The following DCLK1 variants were observed in gnomAD, a reference collection of about 807,000 sequenced individuals.
DCLK1 encodes serine/threonine-protein kinase DCLK1.
DCLK1 carries 16 observed loss-of-function variants against 86.2 expected under a neutral mutation model. That is an observed-to-expected ratio of 0.19 (90% confidence interval 0.13 to 0.28). The LOEUF is 0.28. Ranked by LOEUF, DCLK1 falls within the 10% of genes least tolerant of loss-of-function variation. The pLI, the probability that DCLK1 is intolerant of heterozygous loss-of-function variation, is 1.00. For missense variants in DCLK1, 590 were observed against 940.2 expected, an observed-to-expected ratio of 0.63 and a Z score of 4.87; for synonymous variants, 369 against 370.5, an observed-to-expected ratio of 1.00 and a Z score of 0.05.
chr13:35,874,179 A>G (rs1872463686), intron 4 of DCLK1, among the ~76,000 whole-genome samples: 1 of 152,156 alleles, frequency 6.6e-6, no homozygotes, highest in Admixed American at 6.5e-5. Context: ...CTATCCACGC[A>G]ATTTCTAATT....
intron 10 of DCLK1, among the ~76,000 whole-genome samples, chr13:35,826,754 A>G (rs1029563372): frequency 2.0e-5 from 3 of 152,162 alleles, no homozygotes; most frequent in Non-Finnish European, 4.4e-5. Flanking sequence ...TGAATTTTTA[A>G]AAGAGAAAAC....
intron 4 of DCLK1, among the ~76,000 whole-genome samples, chr13:35,917,400 C>T (rs531437007): frequency 3.9e-5 from 6 of 152,226 alleles, no homozygotes; most frequent in Admixed American, 6.5e-5. Context: ...TTGTCGGGCC[C>T]TCAAATAGCA....
chr13:35,993,930 T>G (rs889652397), intron 3 of DCLK1, among the ~76,000 whole-genome samples: 6 of 151,610 alleles, frequency 4.0e-5, no homozygotes, highest in Admixed American at 3.3e-4. Context: ...AAGACCTGAG[T>G]GTGGAATATG....
chr13:35,781,065 C>G (rs2086516338), intron 16 of DCLK1, among the ~76,000 whole-genome samples: 1 of 152,106 alleles, frequency 6.6e-6, no homozygotes, highest in African/African-American at 2.4e-5. Context: ...AGTATAAAGA[C>G]ATATGAACTA....
chr13:35,810,203 A>C (rs1216203472), intron 12 of DCLK1, among the ~76,000 whole-genome samples: 1 of 152,192 alleles, frequency 6.6e-6, no homozygotes, highest in Non-Finnish European at 1.5e-5. Context: ...CAATTTATTG[A>C]AGTGCAAAAT....
chr13:36,049,774 G>T (rs139437011), intron 3 of DCLK1, among the ~76,000 whole-genome samples: 2 of 152,026 alleles, frequency 1.3e-5, no homozygotes, highest in African/African-American at 4.8e-5. Flanking sequence ...TTATAAAATT[G>T]GCTATGGAAA....
intron 3 of DCLK1, among the ~76,000 whole-genome samples, chr13:35,980,166 A>C (rs931759104): frequency 6.6e-6 from 1 of 152,130 alleles, no homozygotes; most frequent in Non-Finnish European, 1.5e-5. Flanking sequence ...ATTAAAAATG[A>C]ACTCCCTGGC....
At chr13:35,777,756 AG>A (rs961764807) in intron 16 of DCLK1, among the ~76,000 whole-genome samples, 21 of 152,186 alleles carry the variant, frequency 1.4e-4, no homozygotes, top group Non-Finnish European at 1.9e-4. Flanking sequence ...ACCAGCATTG[AG>A]GATTCCCAAC....
intron 4 of DCLK1, among the ~76,000 whole-genome samples, chr13:35,881,047 C>A (rs900268858): frequency 1.3e-5 from 2 of 152,154 alleles, no homozygotes; most frequent in Admixed American, 1.3e-4. Context: ...TGAACAATGG[C>A]CAGACCATAT....
At chr13:36,038,370 G>A (rs540864228) in intron 3 of DCLK1, among the ~76,000 whole-genome samples, 1 of 152,308 alleles carries the variant, frequency 6.6e-6, no homozygotes, top group African/African-American at 2.4e-5. Flanking sequence ...CCCAGGGGCA[G>A]GGCAGAGAAT....
At chr13:35,860,766 C>T (rs764042976) in intron 5 of DCLK1, among the ~76,000 whole-genome samples, 14 of 152,150 alleles carry the variant, frequency 9.2e-5, no homozygotes, top group South Asian at 2.1e-4. Context: ...GGTGGTGCAA[C>T]GTGTCATCTG....
intron 3 of DCLK1, among the ~76,000 whole-genome samples, chr13:36,085,449 T>C (rs9546325): frequency 0.066 from 9,998 of 152,214 alleles, 503 homozygotes; most frequent in African/African-American, 0.14. Flanking sequence ...ATTGCTTTAG[T>C]AGAGATAAAA....
At chr13:36,020,600 A>C (rs1028680444) in intron 3 of DCLK1, among the ~76,000 whole-genome samples, 4 of 152,192 alleles carry the variant, frequency 2.6e-5, no homozygotes, top group Non-Finnish European at 5.9e-5. Flanking sequence ...AGAAAAATGA[A>C]CAGTCCCTCA....
chr13:36,053,304 T>C (rs1262265113), intron 3 of DCLK1, among the ~76,000 whole-genome samples: 2 of 152,048 alleles, frequency 1.3e-5, no homozygotes. Context: ...GGGGCAGGTA[T>C]GTACCTTCAT....
chr13:35,773,851 T>TG lies in DCLK1; in HGVS notation c.*683dup. ...AGTACATCTTCATGTGGAGACAATT[T>TG]GGGGGGCACCATCTATTTCCTGGGT... is the stretch of plus-strand genomic sequence containing the variant. On this transcript the variant is annotated 3_prime_UTR_variant, in exon 17 of 17. Coordinates refer to ENST00000360631, the MANE Select transcript of DCLK1 (RefSeq NM_001330071.2). 1 of 145,958 alleles carries TG rather than the reference T, an allele frequency of 6.9e-6. No individual in the cohort carries two copies. The allele number at this position is 145,958 out of a possible 1,614,324, so 9.0% of individuals were successfully genotyped here. A position where few individuals can be genotyped will look rare whatever the true frequency, so the allele number is the denominator to read the frequency against.
intron 3 of DCLK1, among the ~76,000 whole-genome samples, chr13:36,031,336 A>AAG (rs1200331315): frequency 2.4e-4 from 36 of 152,256 alleles, no homozygotes; most frequent in Admixed American, 9.2e-4. Context: ...CACACACAAA[A>AAG]AAAGACGAGC....
Position 35,774,282 on chromosome 13 carries a change from T to TA in DCLK1, c.*252dup, listed in dbSNP as rs938043404. ...TGAAAACATTCATTGCTTCTAAGTTTAAAAAAAAATTGCAAATTGGCCTTA... is the reference window on the plus strand; with the variant it reads ...TGAAAACATTCATTGCTTCTAAGTTTAAAAAAAAAATTGCAAATTGGCCTTA... On this transcript the variant is annotated 3_prime_UTR_variant, in exon 17 of 17. Transcript: ENST00000360631. 324 of 420,512 alleles carry TA rather than the reference T, an allele frequency of 7.7e-4. No homozygotes were observed. The highest frequency in any genetic ancestry group is 2.4e-3 in the East Asian group (59 of 24,794). The allele number at this position is 420,512 out of a possible 1,614,324, so 26.0% of individuals were successfully genotyped here.
chr13:35,871,745 A>C (rs2153114765), intron 4 of DCLK1, among the ~76,000 whole-genome samples: 1 of 152,310 alleles, frequency 6.6e-6, no homozygotes, highest in Admixed American at 6.5e-5. Context: ...TAAACCAAGA[A>C]ATGTGGTGGT....
At chr13:35,862,459 T>C (rs939257674) in intron 5 of DCLK1, among the ~76,000 whole-genome samples, 1 of 152,226 alleles carries the variant, frequency 6.6e-6, no homozygotes, top group Non-Finnish European at 1.5e-5. Flanking sequence ...AATGGCCTCA[T>C]AGAGCCTTCC....
Sources: allele counts gnomAD v4.1 joint callset (sites outside exome capture counted in the v4.1 genomes callset), GRCh38; gene constraint gnomAD v4.1.1; transcripts MANE v1.5; gene names NCBI Gene and HGNC (gene_info 2026-07-23, HGNC 2026-07-21).